The following DLGAP2 variants were observed in gnomAD, a reference collection of about 807,000 sequenced individuals.
DLGAP2 encodes the protein DLG associated protein 2, also known as disks large-associated protein 2.
Under a neutral mutation model 100.3 loss-of-function variants are expected in DLGAP2, and 26 were observed. The ratio of observed to expected loss-of-function variants is 0.26; its 90% CI spans 0.19 to 0.36. DLGAP2 has a LOEUF of 0.36. Ranked by LOEUF, DLGAP2 falls within the 10% of genes least tolerant of loss-of-function variation. DLGAP2 has a pLI of 1.00. For missense variants in DLGAP2, 1,858 were observed against 1,453.2 expected (o/e 1.28, Z -4.53); for synonymous variants, 886 against 630.1 (o/e 1.41, Z -6.08).
intron 2 of DLGAP2, among the ~76,000 whole-genome samples, chr8:1,180,325 C>G (rs1029547220): frequency 2.6e-5 from 4 of 152,200 alleles, no homozygotes; most frequent in African/African-American, 9.6e-5. Flanking sequence ...CTGCCAAATC[C>G]CAGTTACACC....
chr8:1,389,940 C>T (rs1796310374), intron 3 of DLGAP2, among the ~76,000 whole-genome samples: 1 of 152,050 alleles, frequency 6.6e-6, no homozygotes, highest in African/African-American at 2.4e-5. Context: ...GCACCCAGCT[C>T]CGGCACAGAC....
At chr8:1,509,004 G>C (rs144960059) in intron 4 of DLGAP2, among the ~76,000 whole-genome samples, 39 of 152,264 alleles carry the variant, frequency 2.6e-4, no homozygotes, top group African/African-American at 9.4e-4. Context: ...GTCACTGCCA[G>C]CAAATTTTTA....
chr8:777,882 T>A (rs1821570933), intron 1 of DLGAP2, among the ~76,000 whole-genome samples: 1 of 152,184 alleles, frequency 6.6e-6, no homozygotes, highest in Non-Finnish European at 1.5e-5. Flanking sequence ...GTTTCCTGAA[T>A]CTGAACGTCG....
At chr8:815,410 A>T (rs1342083959) in intron 1 of DLGAP2, among the ~76,000 whole-genome samples, 1 of 152,228 alleles carries the variant, frequency 6.6e-6, no homozygotes, top group African/African-American at 2.4e-5. Flanking sequence ...TGAATTTTGG[A>T]GACCTTTTCA....
At chr8:1,036,271 C>T (rs992561420) in intron 2 of DLGAP2, among the ~76,000 whole-genome samples, 4 of 152,276 alleles carry the variant, frequency 2.6e-5, no homozygotes, top group Non-Finnish European at 5.9e-5. Flanking sequence ...CACATGTTCA[C>T]GTGTTTAATG....
intron 2 of DLGAP2, among the ~76,000 whole-genome samples, chr8:1,063,997 C>T (rs969245235): frequency 4.7e-4 from 71 of 152,264 alleles, no homozygotes; most frequent in African/African-American, 1.6e-3. Context: ...TACATTTATA[C>T]GCAGGATGAC....
rs6998119 is a variant in DLGAP2 at position 1,432,156 on chromosome 8, T to A, written c.107-69210T>A. On this transcript the variant is annotated intron_variant, in intron 3 of 14. Transcript: ENST00000637795. ...CATTCGGGGCTAGTTCCACTTCACA[T>A]ACTCATAAGGAAACAAGTGTTTCTC... Among the ~76,000 whole-genome samples, 818 of 151,694 alleles carry A rather than the reference T, an allele frequency of 5.4e-3. 5 individuals carry two copies. Among genetic ancestry groups the A allele is most frequent in the Middle Eastern group, 0.017 (5 of 294 alleles).
intron 1 of DLGAP2, among the ~76,000 whole-genome samples, chr8:749,791 T>G (rs1820745383): frequency 6.6e-6 from 1 of 152,212 alleles, no homozygotes; most frequent in Non-Finnish European, 1.5e-5. Flanking sequence ...AGCGCGCTCT[T>G]GGTGCTGGAG....
rs923996249 is a variant in DLGAP2, at chr8:757,693, T to G, written c.18+19868T>G. ...ATATCTGAGATCAGATGTCTTTGAA[T>G]TAAAGATTGTGTGTCTTTGATTTTC... On this transcript the variant is annotated intron_variant, in intron 1 of 14. Coordinates refer to ENST00000637795, the MANE Select transcript of DLGAP2 (RefSeq NM_001346810.2). 7.9e-4 allele frequency among the ~76,000 whole-genome samples: 120 copies of G among 152,208 alleles called. 1 individual carries two copies. Among genetic ancestry groups the G allele is most frequent in the Non-Finnish European group, 5.9e-5 (4 of 68,034 alleles).
At chr8:1,489,692 G>A (rs1472098934) in intron 3 of DLGAP2, among the ~76,000 whole-genome samples, 1 of 152,200 alleles carries the variant, frequency 6.6e-6, no homozygotes, top group African/African-American at 2.4e-5. Context: ...ATCGCTGTGA[G>A]CATCTTGGTT....
chr8:1,668,586 C>G lies in DLGAP2; in HGVS notation c.2068C>G (p.Gln690Glu). 1 of 1,597,870 alleles carries G rather than the reference C, an allele frequency of 6.3e-7. No individual in the cohort carries two copies. Among genetic ancestry groups the G allele is most frequent in the South Asian group, 1.1e-5 (1 of 87,836 alleles). Residue 690 changes from glutamine (Q) to glutamate (E), a missense_variant, in exon 9 of 15, where the codon CAG becomes GAG. Coordinates refer to ENST00000637795, the MANE Select transcript of DLGAP2 (RefSeq NM_001346810.2). ...TGCCCAGCGCCACCTGCCAGAGAGC[C>G]AGAGCAGCTCTGTGCGGACCAGCGA... ...AAAQRHLPESQSSSVRTSDKA... is the reference protein window; with the variant it reads ...AAAQRHLPESESSSVRTSDKA...
chr8:837,314 G>C (rs1380471561), intron 1 of DLGAP2, among the ~76,000 whole-genome samples: 1 of 152,218 alleles, frequency 6.6e-6, no homozygotes, highest in Non-Finnish European at 1.5e-5. Context: ...TTGTGGATAA[G>C]GAGTGTGTCA....
At chr8:1,601,952 G>GTGTGTT (rs1197712686) in intron 6 of DLGAP2, among the ~76,000 whole-genome samples, 1 of 150,644 alleles carries the variant, frequency 6.6e-6, no homozygotes, top group Non-Finnish European at 1.5e-5. Context: ...CAGGGTGTGT[G>GTGTGTT]TGTGTGTGTG....
At chr8:1,269,326 A>G (rs918246341) in intron 3 of DLGAP2, among the ~76,000 whole-genome samples, 1 of 152,174 alleles carries the variant, frequency 6.6e-6, no homozygotes, top group Non-Finnish European at 1.5e-5. Flanking sequence ...GGCTCCTGGT[A>G]CGGGGAGGAT....
At chr8:845,606 G>A (rs189575286) in intron 1 of DLGAP2, among the ~76,000 whole-genome samples, 4 of 152,138 alleles carry the variant, frequency 2.6e-5, no homozygotes, top group Non-Finnish European at 5.9e-5. Context: ...ATTCTATAGG[G>A]TGTGTTTTCA....
chr8:831,477 G>A (rs1207352297), intron 1 of DLGAP2, among the ~76,000 whole-genome samples: 1 of 151,988 alleles, frequency 6.6e-6, no homozygotes, highest in East Asian at 1.9e-4. Context: ...TTGGTTTTCT[G>A]TCCTTGTGAT....
At chr8:1,370,192 A>G (rs899463112) in intron 3 of DLGAP2, among the ~76,000 whole-genome samples, 3 of 152,132 alleles carry the variant, frequency 2.0e-5, no homozygotes, top group African/African-American at 7.2e-5. Flanking sequence ...CAGTGTCCTC[A>G]GCACTGCCCT....
At chr8:1,698,035 A>C (rs1056191417) in intron 14 of DLGAP2, among the ~76,000 whole-genome samples, 1 of 152,260 alleles carries the variant, frequency 6.6e-6, no homozygotes, top group Admixed American at 6.5e-5. Flanking sequence ...AAATCAAGTC[A>C]GCATCCTTTG....
intron 2 of DLGAP2, among the ~76,000 whole-genome samples, chr8:1,180,309 T>A (rs1017878954): frequency 6.6e-6 from 1 of 152,172 alleles, no homozygotes; most frequent in Non-Finnish European, 1.5e-5. Flanking sequence ...TGCAGAGCGT[T>A]CCCTCCTGCC....
Sources: allele counts gnomAD v4.1 joint callset (sites outside exome capture counted in the v4.1 genomes callset), GRCh38; gene constraint gnomAD v4.1.1; transcripts MANE v1.5; gene names NCBI Gene and HGNC (gene_info 2026-07-23, HGNC 2026-07-21).